FRYL: variants seen among roughly 807,000 people sequenced by gnomAD.
FRYL encodes the protein FRY like transcription coactivator.
FRYL carries 150 observed loss-of-function variants against 351.2 expected under a neutral mutation model. The observed-to-expected ratio is 0.43, with a 90% CI of 0.37 to 0.49. The LOEUF (loss-of-function observed/expected upper bound fraction) is 0.49, where lower values mean the gene tolerates loss of function less well. Among genes scored for constraint, FRYL ranks in the 20% least tolerant of loss-of-function variants. FRYL has a pLI of 0.00. For synonymous variants in FRYL, 1,153 were observed against 1,257.1 expected, an observed-to-expected ratio of 0.92 and a Z score of 1.75; for missense variants, 3,036 against 3,619.3, an observed-to-expected ratio of 0.84 and a Z score of 4.13.
At chr4:48,691,491 G>A (rs1315243255) in intron 2 of FRYL, among the ~76,000 whole-genome samples, 3 of 152,006 alleles carry the variant, frequency 2.0e-5, no homozygotes, top group Non-Finnish European at 4.4e-5. Flanking sequence ...CACCTAGAAG[G>A]ATACACTCAA....
intron 4 of FRYL, among the ~76,000 whole-genome samples, chr4:48,628,638 T>A (rs1752356484): frequency 6.6e-6 from 1 of 152,146 alleles, no homozygotes; most frequent in Non-Finnish European, 1.5e-5. Flanking sequence ...GTAACAATAA[T>A]ACATTATATA....
intron 59 of FRYL, among the ~76,000 whole-genome samples, 170 bp downstream of exon 59, chr4:48,509,889 C>A (rs1722118397): frequency 6.6e-6 from 1 of 152,096 alleles, no homozygotes; most frequent in Admixed American, 6.6e-5. Flanking sequence ...TTTTAAAAGC[C>A]AAAGGTAGGA....
chr4:48,677,372 A>G (rs1763878557), intron 3 of FRYL, among the ~76,000 whole-genome samples: 1 of 152,142 alleles, frequency 6.6e-6, no homozygotes, highest in African/African-American at 2.4e-5. Flanking sequence ...AATCTTACCT[A>G]AAATATCTTA....
Position 48,550,606 on chromosome 4 carries a change from T to C in FRYL, c.4619A>G (p.Tyr1540Cys), listed in dbSNP as rs775861055. 6.2e-7 allele frequency: 1 copy of C among 1,610,256 alleles called. No individual in the cohort carries two copies. Among genetic ancestry groups the C allele is most frequent in the Non-Finnish European group, 8.5e-7 (1 of 1,176,532 alleles). ...SRYSSSSGGSYEEEKSDSMPL... is the reference protein window; with the variant it reads ...SRYSSSSGGSCEEEKSDSMPL... ...GAATTTATTACTTTTTTCTTCTTCA[T>C]AAGATCCTCCAGAGCTGCTACTGTA... Residue 1540 changes from tyrosine to cysteine, a missense_variant, in exon 38 of 64, where the codon TAT becomes TGT. Around this residue, in one of 7 missense-constraint regions of FRYL, gnomAD observed 1,987 missense variants for 2,311.7 expected, o/e 0.86. Coordinates refer to ENST00000358350, the MANE Select transcript of FRYL (RefSeq NM_015030.2).
intron 60 of FRYL, 63 bp downstream of exon 60, chr4:48,505,484 C>T (rs1326469232): frequency 1.2e-6 from 1 of 864,178 alleles, no homozygotes. Context: ...GATATTTGAA[C>T]ACATGCATTG....
At chr4:48,649,678 T>C (rs535573578) in intron 3 of FRYL, among the ~76,000 whole-genome samples, 2 of 152,312 alleles carry the variant, frequency 1.3e-5, no homozygotes, top group Non-Finnish European at 2.9e-5. Flanking sequence ...CTAAAACTGT[T>C]GGCACAAAGA....
At chr4:48,547,305 T>A (rs1731569202) in intron 41 of FRYL, among the ~76,000 whole-genome samples, 1 of 152,210 alleles carries the variant, frequency 6.6e-6, no homozygotes, top group African/African-American at 2.4e-5. Context: ...TTTTCGTAAT[T>A]CGTCCTCAAT....
At chr4:48,608,726 C>T (rs1362155899) in intron 9 of FRYL, among the ~76,000 whole-genome samples, 2 of 152,042 alleles carry the variant, frequency 1.3e-5, no homozygotes, top group East Asian at 1.9e-4. Flanking sequence ...AAGATAGTGT[C>T]CTAAATATGG....
chr4:48,534,674 T>G lies in FRYL; in HGVS notation c.6576A>C (p.Lys2192Asn), dbSNP rs2148898619. ...ATGATTGCTGCATACTGGACAATCC[T>G]TTCTCTAACAGCTAAAAATAATGTT... ...LVTYLAELLE[K>N]GLSSMQQSLL... The change falls in exon 49 of 64, where the codon AAA becomes AAC. Residue 2192 changes from lysine (K) to asparagine (N), a missense_variant. Around this residue, in one of 7 missense-constraint regions of FRYL, gnomAD observed 1,987 missense variants for 2,311.7 expected, o/e 0.86. Coordinates refer to ENST00000358350, the MANE Select transcript of FRYL (RefSeq NM_015030.2). 6.5e-7 allele frequency: 1 copy of G among 1,543,196 alleles called. No individual in the cohort carries two copies. The highest frequency in any genetic ancestry group is 1.8e-4 in the Middle Eastern group (1 of 5,544).
chr4:48,607,489 T>C (rs1747108878), intron 9 of FRYL, among the ~76,000 whole-genome samples: 2 of 152,200 alleles, frequency 1.3e-5, no homozygotes, highest in Non-Finnish European at 2.9e-5. Context: ...ATGGATAAAG[T>C]CTTTCCATTG....
In FRYL at chr4:48,753,439, T is replaced by TAAC. The variant is rs1289485115; in HGVS notation, c.-384+26638_-384+26639insGTT. On this transcript the variant is annotated intron_variant, in intron 1 of 63. Transcript: ENST00000358350. ...AGGTGACTCATTTTTTAACTGTTGTTATTGCAATATAATTCATATACCATA... is the reference window on the plus strand; with the variant it reads ...AGGTGACTCATTTTTTAACTGTTGTTAACATTGCAATATAATTCATATACCATA... Among the ~76,000 whole-genome samples, 349 of 152,310 alleles carry TAAC rather than the reference T, an allele frequency of 2.3e-3. 6 individuals carry two copies. In the East Asian group the frequency reaches 0.056, roughly 24 times the overall value.
At chr4:48,668,093 G>A (rs1225717797) in intron 3 of FRYL, among the ~76,000 whole-genome samples, 2 of 152,218 alleles carry the variant, frequency 1.3e-5, no homozygotes, top group East Asian at 3.9e-4. Context: ...TTTAAATAAA[G>A]TTGTAGTAAA....
chr4:48,516,362 C>G (rs1723596873), intron 55 of FRYL, among the ~76,000 whole-genome samples: 2 of 152,114 alleles, frequency 1.3e-5, no homozygotes, highest in Admixed American at 6.5e-5. Flanking sequence ...GTTGAATGAG[C>G]TGCTACTATC....
chr4:48,546,090 G>C lies in FRYL; in HGVS notation c.5256C>G (p.Thr1752=), dbSNP rs199805371. Residue 1752 remains threonine, a synonymous_variant, in exon 42 of 64, where the codon ACC becomes ACG. Transcript: ENST00000358350. ...ISVEQDGKVK[T]LMEFITSRKR... is the part of the protein sequence containing the mutation. ...ACCTTGAGGTAATGAATTCCATGAG[G>C]GTTTTGACTTTTCCATCCTGCTCCA... 857 of 1,613,394 alleles carry C rather than the reference G, an allele frequency of 5.3e-4. 3 individuals are homozygous for C. Among genetic ancestry groups the C allele is most frequent in the Middle Eastern group, 6.6e-4 (4 of 6,062 alleles).
intron 3 of FRYL, among the ~76,000 whole-genome samples, chr4:48,662,673 C>A (rs1760991395): frequency 1.3e-5 from 2 of 150,490 alleles, no homozygotes; most frequent in Admixed American, 1.3e-4. Flanking sequence ...TGCATGTAAT[C>A]CCAGCACTTT....
At chr4:48,769,191 G>T (rs192312494) in intron 1 of FRYL, among the ~76,000 whole-genome samples, 1 of 152,222 alleles carries the variant, frequency 6.6e-6, no homozygotes, top group Admixed American at 6.5e-5. Flanking sequence ...TTCTATGAAA[G>T]ATCTATTAAG....
intron 3 of FRYL, among the ~76,000 whole-genome samples, chr4:48,645,154 A>ATATATATATATATATATC (rs1373290711): frequency 3.7e-4 from 46 of 122,968 alleles, no homozygotes; most frequent in Non-Finnish European, 6.9e-4. Flanking sequence ...ATATATATAT[A>ATATATATATATATATATC]TCAGACTGGC....
At chr4:48,632,247 G>C (rs1379527841) in intron 4 of FRYL, among the ~76,000 whole-genome samples, 1 of 148,946 alleles carries the variant, frequency 6.7e-6, no homozygotes, top group Non-Finnish European at 1.5e-5. Context: ...AAAATGTGCT[G>C]TGTGACTTGA....
At chr4:48,651,151 G>T (rs1387122108) in intron 3 of FRYL, among the ~76,000 whole-genome samples, 2 of 151,918 alleles carry the variant, frequency 1.3e-5, no homozygotes, top group African/African-American at 4.8e-5. Context: ...CATGAACAGG[G>T]CTCCTGGGCT....
Sources: gnomAD v4.1 joint callset for allele counts (sites outside exome capture counted in the v4.1 genomes callset) on GRCh38, gnomAD v4.1.1 for gene constraint, gnomAD v4.1.1 regional missense constraint, MANE v1.5 for transcripts, NCBI Gene and HGNC (gene_info 2026-07-23, HGNC 2026-07-21) for gene names.